Variants in LIPF observed in about 807,000 individuals in gnomAD.
The protein encoded by LIPF is gastric triacylglycerol lipase.
A neutral mutation model predicts 38.0 loss-of-function variants in LIPF; 25 were observed. The ratio of observed to expected loss-of-function variants is 0.66; its 90% CI spans 0.48 to 0.92. The LOEUF (loss-of-function observed/expected upper bound fraction) is 0.92. Among genes scored for constraint, LIPF ranks in the 40% least tolerant of loss-of-function variants. The pLI, the probability that LIPF is intolerant of heterozygous loss-of-function variation, is 0.00. For synonymous variants in LIPF, 161 were observed against 156.2 expected (o/e 1.03, Z -0.23); for missense variants, 410 against 469.9 (o/e 0.87, Z 1.18).
rs149098914 is a variant in LIPF, at chr10:88,673,661, G to T, written c.743G>T (p.Arg248Leu). 3.1e-6 allele frequency: 5 copies of T among 1,612,416 alleles called. No individual in the cohort carries two copies. In the African/African-American group the frequency reaches 4.0e-5, roughly 13 times the overall value. ...DQFLATEVCSREMLNLLCSNA... is the reference protein window; with the variant it reads ...DQFLATEVCSLEMLNLLCSNA... The stretch of plus-strand genomic sequence containing the variant: ...TTTCTTGCTACTGAAGTGTGCTCCC[G>T]TGAGATGCTGAATCTCCTTTGCAGC... The change falls in exon 7 of 10, where the codon CGT becomes CTT. Residue 248 changes from arginine (R) to leucine (L), a missense_variant. Transcript: ENST00000238983.
intron 6 of LIPF, among the ~76,000 whole-genome samples, chr10:88,672,886 T>C (rs997192316): frequency 2.0e-5 from 3 of 152,156 alleles, no homozygotes; most frequent in African/African-American, 4.8e-5. Flanking sequence ...CCCAGAAATA[T>C]TTATTGGCTA....
chr10:88,673,951 G>GA (rs1489482435), intron 7 of LIPF, among the ~76,000 whole-genome samples: 1 of 151,872 alleles, frequency 6.6e-6, no homozygotes, highest in Non-Finnish European at 1.5e-5. Flanking sequence ...ACAACATGAA[G>GA]AAAAAACACA....
At chr10:88,666,330 T>G (rs1159380092) in intron 1 of LIPF, among the ~76,000 whole-genome samples, 1 of 152,214 alleles carries the variant, frequency 6.6e-6, no homozygotes, top group Non-Finnish European at 1.5e-5. Context: ...TCTCGAAGTA[T>G]TGCTCCTAAC....
intron 6 of LIPF, 141 bp from the exon 7 acceptor site, chr10:88,673,447 A>G (rs947324438): frequency 1.4e-6 from 1 of 703,212 alleles, no homozygotes; most frequent in Non-Finnish European, 2.4e-6. Context: ...AAATGAAAGT[A>G]TTGGAAATTC....
intron 8 of LIPF, 100 bp downstream of exon 8, chr10:88,675,757 A>T (rs1564961130): frequency 1.3e-6 from 1 of 744,158 alleles, no homozygotes; most frequent in Non-Finnish European, 2.2e-6. Context: ...GTACACCTGG[A>T]AGGTAATTTT....
chr10:88,676,282 T>C lies in LIPF; in HGVS notation c.960+2T>C, dbSNP rs762264232. The C allele has an allele frequency of 6.4e-7, 1 of 1,571,666 alleles. No individual in the cohort carries two copies. The highest frequency in any genetic ancestry group is 8.7e-7 in the Non-Finnish European group (1 of 1,151,354). Reference sequence around the variant, plus strand: ...CAGAATAGGATGCACTATGATCAGGTAAGCTTCTTAAAGATGGAATTATTC... The same window carrying C: ...CAGAATAGGATGCACTATGATCAGGCAAGCTTCTTAAAGATGGAATTATTC... On this transcript the variant is annotated splice_donor_variant, in intron 9 of 9. Coordinates refer to ENST00000238983, the MANE Select transcript of LIPF (RefSeq NM_004190.4). LOFTEE classifies it high-confidence loss of function.
intron 1 of LIPF, among the ~76,000 whole-genome samples, chr10:88,665,737 A>ATTTT (rs68081693): frequency 1.0e-3 from 105 of 100,226 alleles, no homozygotes; most frequent in East Asian, 3.4e-3. Flanking sequence ...TTAAAAACTG[A>ATTTT]TTTTTTTTTT....
Position 88,671,856 on chromosome 10 carries a change from G to A in LIPF, c.560G>A (p.Ser187Asn). ...IGFIAFSTNPSLAKRIKTFYA... is the reference protein window; with the variant it reads ...IGFIAFSTNPNLAKRIKTFYA... ...TTTATTGCCTTTTCCACCAATCCCAGCCTGGCTAAAAGAATCAAAACCTTC... is the reference window on the plus strand; with the variant it reads ...TTTATTGCCTTTTCCACCAATCCCAACCTGGCTAAAAGAATCAAAACCTTC... The change falls in exon 6 of 10, where the codon AGC becomes AAC. Residue 187 changes from serine to asparagine, a missense_variant. Coordinates refer to ENST00000238983, the MANE Select transcript of LIPF (RefSeq NM_004190.4). The A allele has an allele frequency of 6.2e-7, 1 of 1,612,798 alleles. No homozygotes were observed. Among genetic ancestry groups the A allele is most frequent in the Admixed American group, 1.7e-5 (1 of 59,850 alleles).
intron 1 of LIPF, chr10:88,665,606 G>T: frequency 4.2e-6 from 6 of 1,431,020 alleles, no homozygotes; most frequent in Non-Finnish European, 5.7e-6. Context: ...CTTAATGGAG[G>T]TCATGTGGGT....
In LIPF at chr10:88,672,660, ACACACACACACTCT is replaced by A. The variant is rs1352290437; in HGVS notation, c.669+697_669+710del. 2.5e-4 allele frequency among the ~76,000 whole-genome samples: 31 copies of A among 125,540 alleles called. 1 individual carries two copies. The Admixed American group carries it at 2.5e-3, about 10-fold the overall frequency. The allele number at this position is 125,540 out of a possible 152,430, so 82.4% of individuals were successfully genotyped here. On this transcript the variant is annotated intron_variant, in intron 6 of 9. Coordinates refer to ENST00000238983, the MANE Select transcript of LIPF (RefSeq NM_004190.4). Reference sequence around the variant, plus strand: ...CACACACACACACACACACACACACACACACACACACTCTCTCTCTCTCTCTCTCTCTTTCCTTT... The same window carrying A: ...CACACACACACACACACACACACACACTCTCTCTCTCTCTCTCTTTCCTTT...
intron 6 of LIPF, 70 bp downstream of exon 6, chr10:88,672,035 G>C: frequency 7.3e-7 from 1 of 1,366,960 alleles, no homozygotes; most frequent in South Asian, 1.4e-5. Flanking sequence ...GTTATAGAAA[G>C]AGAACAGAGT....
At chr10:88,667,777 T>G in intron 3 of LIPF, 91 bp downstream of exon 3, 1 of 623,326 alleles carries the variant, frequency 1.6e-6, no homozygotes, top group East Asian at 2.6e-5. Context: ...TCCTCCAACT[T>G]TTCCTTCTTT....
At chr10:88,677,037 C>T (rs1451973369) in intron 9 of LIPF, among the ~76,000 whole-genome samples, 1 of 152,156 alleles carries the variant, frequency 6.6e-6, no homozygotes, top group African/African-American at 2.4e-5. Context: ...TCTCTTCTTC[C>T]TTTTCACCAC....
At chr10:88,664,524 T>C (rs1182761089) in intron 1 of LIPF, 33 bp downstream of exon 1, 1 of 152,692 alleles carries the variant, frequency 6.5e-6, no homozygotes, top group Non-Finnish European at 1.5e-5. Flanking sequence ...AAAATTGTTA[T>C]TTGAATTATT....
At chr10:88,672,021 T>C (rs558306994) in intron 6 of LIPF, 56 bp downstream of exon 6, 1 of 1,477,680 alleles carries the variant, frequency 6.8e-7, no homozygotes, top group East Asian at 2.3e-5. Flanking sequence ...CCATGGATTT[T>C]AAAGTTATAG....
At chr10:88,674,741 T>C (rs1312200456) in intron 7 of LIPF, among the ~76,000 whole-genome samples, 2 of 152,240 alleles carry the variant, frequency 1.3e-5, no homozygotes, top group African/African-American at 4.8e-5. Flanking sequence ...TAAGGTTTTC[T>C]ACTACTATTC....
At chr10:88,676,770 G>A (rs566608541) in intron 9 of LIPF, among the ~76,000 whole-genome samples, 29 of 152,280 alleles carry the variant, frequency 1.9e-4, no homozygotes, top group Non-Finnish European at 3.7e-4. Flanking sequence ...TTTACAATAG[G>A]CAGAGGCCTT....
chr10:88,671,390 A>C (rs1283583828), intron 5 of LIPF, among the ~76,000 whole-genome samples: 1 of 152,206 alleles, frequency 6.6e-6, no homozygotes, highest in Admixed American at 6.5e-5. Flanking sequence ...GCCAGGATTC[A>C]AATTGAGTTT....
At position 88,676,296 on chromosome 10, in the gene LIPF, A is replaced by G; in HGVS notation, c.960+16A>G. ...CTATGATCAGGTAAGCTTCTTAAAGATGGAATTATTCACATTTTGAACAAC... is the reference window on the plus strand; with the variant it reads ...CTATGATCAGGTAAGCTTCTTAAAGGTGGAATTATTCACATTTTGAACAAC... On this transcript the variant is annotated intron_variant, in intron 9 of 9. Coordinates refer to ENST00000238983, the MANE Select transcript of LIPF (RefSeq NM_004190.4). The G allele has an allele frequency of 6.6e-7, 1 of 1,504,860 alleles. No homozygotes were observed. The highest frequency in any genetic ancestry group is 9.2e-7 in the Non-Finnish European group (1 of 1,092,878). The allele number at this position is 1,504,860 out of a possible 1,614,324, so 93.2% of individuals were successfully genotyped here. A position where few individuals can be genotyped will look rare whatever the true frequency, so the allele number is the denominator to read the frequency against.
Sources: allele counts gnomAD v4.1 joint callset (sites outside exome capture counted in the v4.1 genomes callset), GRCh38; gene constraint gnomAD v4.1.1; transcripts MANE v1.5; gene names NCBI Gene and HGNC (gene_info 2026-07-23, HGNC 2026-07-21).